The following NWD1 variants were observed in gnomAD, a reference collection of about 807,000 sequenced individuals.
NWD1 encodes NACHT domain- and WD repeat-containing protein 1.
Under a neutral mutation model 135.1 loss-of-function variants are expected in NWD1, and 129 were observed. That is an observed-to-expected ratio of 0.96 (90% CI 0.83 to 1.11). NWD1 has a LOEUF of 1.11. Ranked by LOEUF, NWD1 falls within the 50% of genes least tolerant of loss-of-function variation. NWD1 has a pLI of 0.00. For synonymous variants in NWD1, 773 were observed against 786.0 expected (o/e 0.98, Z 0.28); for missense variants, 1,740 against 1,851.3 (o/e 0.94, Z 1.10).
At chr19:16,743,488 G>A (rs1968170971) in intron 4 of NWD1, among the ~76,000 whole-genome samples, 1 of 151,892 alleles carries the variant, frequency 6.6e-6, no homozygotes, top group Non-Finnish European at 1.5e-5. Flanking sequence ...GATTACAGGC[G>A]TGAGCCACCA....
chr19:16,807,808 A>G lies in NWD1; in HGVS notation c.3959A>G (p.Asn1320Ser), dbSNP rs747931175. The change falls in exon 18 of 19, where the codon AAC becomes AGC. Residue 1320 changes from asparagine to serine, a missense_variant. By Grantham distance (46) the Asn-to-Ser change is conservative. Coordinates refer to ENST00000524140, the MANE Select transcript of NWD1 (RefSeq NM_001007525.5). Reference protein sequence around the residue: ...CEDRLAIAYDNIVLVLDITSG... With the variant: ...CEDRLAIAYDSIVLVLDITSG... ...GACCGCCTGGCCATCGCCTATGACA[A>G]CATCGTCCTGGTGCTGGACATCACC... 10 of 1,614,114 alleles carry G rather than the reference A, an allele frequency of 6.2e-6. No individual in the cohort carries two copies. The highest frequency in any genetic ancestry group is 3.3e-5 in the Admixed American group (2 of 59,998).
At chr19:16,759,128 G>C in intron 6 of NWD1, 97 bp from the exon 7 acceptor site, 3 of 953,676 alleles carry the variant, frequency 3.1e-6, no homozygotes, top group Non-Finnish European at 5.0e-6. Context: ...GCTGGACACC[G>C]CGCGGGTGGC....
At chr19:16,804,142 G>A (rs930036116) in intron 17 of NWD1, among the ~76,000 whole-genome samples, 1 of 152,054 alleles carries the variant, frequency 6.6e-6, no homozygotes, top group South Asian at 2.1e-4. Flanking sequence ...TGGGGCTGGC[G>A]GGGGAAAGGG....
chr19:16,776,941 G>GA (rs112284735), intron 11 of NWD1, among the ~76,000 whole-genome samples: 14 of 96,748 alleles, frequency 1.4e-4, no homozygotes, highest in South Asian at 4.3e-4. Context: ...GACCCTATCT[G>GA]AAAAAAAAAA....
chr19:16,736,850 T>C, intron 4 of NWD1, 100 bp downstream of exon 4: 1 of 752,260 alleles, frequency 1.3e-6, no homozygotes. Context: ...GTACCGTTTC[T>C]GCTTTCGTAC....
rs567511702 is a variant in NWD1 at position 16,815,036 on chromosome 19, C to T, written c.4296C>T (p.Cys1432=). 23 of 1,613,918 alleles carry T rather than the reference C, an allele frequency of 1.4e-5. No homozygotes were observed. The East Asian group carries it at 4.7e-4, about 33-fold the overall frequency. The part of the protein sequence containing the change: ...WKFEMSYTAP[C] The stretch of plus-strand genomic sequence containing the variant: ...TCTCTTCACCCTTACAGGCACCCTG[C>T]TGACAGTCCAGTTTGTCCATGCTGT... The change falls in exon 19 of 19, where the codon TGC becomes TGT. Residue 1432 remains cysteine (C), a synonymous_variant. Coordinates refer to ENST00000524140, the MANE Select transcript of NWD1 (RefSeq NM_001007525.5).
intron 13 of NWD1, among the ~76,000 whole-genome samples, 181 bp from the exon 14 acceptor site, chr19:16,791,169 T>C (rs1970231786): frequency 6.6e-6 from 1 of 152,030 alleles, no homozygotes; most frequent in Non-Finnish European, 1.5e-5. Context: ...AGGAGGTCGA[T>C]GCTGCAGTGA....
At position 16,759,333 on chromosome 19, in the gene NWD1, C is replaced by T. The variant is rs61736006; in HGVS notation, c.1878C>T (p.Phe626=). ...WTPPSKELLR[F]PPLLWVRLRR... is the part of the protein sequence containing the mutation. Reference sequence around the variant, plus strand: ...CGCCCAGCAAGGAGCTGCTGCGCTTCCCGCCCCTGCTGTGGGTGCGGCTTC... The same window carrying T: ...CGCCCAGCAAGGAGCTGCTGCGCTTTCCGCCCCTGCTGTGGGTGCGGCTTC... The change falls in exon 7 of 19, where the codon TTC becomes TTT. Residue 626 remains phenylalanine (F), a synonymous_variant. Coordinates refer to ENST00000524140, the MANE Select transcript of NWD1 (RefSeq NM_001007525.5). The T allele has an allele frequency of 2.8e-3, 4,451 of 1,613,952 alleles. 111 individuals carry two copies. In the African/African-American group the frequency reaches 0.053, roughly 19 times the overall value.
intron 18 of NWD1, among the ~76,000 whole-genome samples, chr19:16,813,971 G>A (rs1970998450): frequency 6.6e-6 from 1 of 151,648 alleles, no homozygotes; most frequent in South Asian, 2.1e-4. Flanking sequence ...GGACAACATA[G>A]CGAGACTCTG....
At chr19:16,791,258 T>C (rs939254850) in intron 13 of NWD1, 92 bp from the exon 14 acceptor site, 31 of 1,108,210 alleles carry the variant, frequency 2.8e-5, no homozygotes, top group Non-Finnish European at 3.7e-5. Context: ...ATGCATAAAG[T>C]ATACAAGAGA....
chr19:16,803,222 G>A (rs1019338778), intron 17 of NWD1, among the ~76,000 whole-genome samples: 1 of 152,058 alleles, frequency 6.6e-6, no homozygotes, highest in Non-Finnish European at 1.5e-5. Flanking sequence ...AGCTGGCCTC[G>A]GCCTTGACCT....
At chr19:16,786,227 C>T (rs141270028) in intron 12 of NWD1, among the ~76,000 whole-genome samples, 177 of 151,830 alleles carry the variant, frequency 1.2e-3, no homozygotes, top group Non-Finnish European at 1.9e-3. Flanking sequence ...CGGCTTGTCT[C>T]GGACTCCTGG....
Position 16,732,716 on chromosome 19 carries a change from C to A in NWD1, c.81+1438C>A, listed in dbSNP as rs137866844. 3.0e-3 allele frequency among the ~76,000 whole-genome samples: 451 copies of A among 148,770 alleles called. 5 individuals carry two copies. Among genetic ancestry groups the A allele is most frequent in the African/African-American group, 0.011 (425 of 39,954 alleles). On this transcript the variant is annotated intron_variant, in intron 3 of 18. Coordinates refer to ENST00000524140, the MANE Select transcript of NWD1 (RefSeq NM_001007525.5). ...GGTGTGATCTCACAGCTCACTGCAA[C>A]CTTGAGCTTCTGGGCTCAAGGGATC... is the stretch of plus-strand genomic sequence containing the variant.
At chr19:16,810,978 A>C (rs1599568891) in intron 18 of NWD1, among the ~76,000 whole-genome samples, 1 of 151,834 alleles carries the variant, frequency 6.6e-6, no homozygotes. Flanking sequence ...TGATTCTTCC[A>C]CCTCAGCCTC....
chr19:16,767,811 C>T (rs1969279972), intron 10 of NWD1, among the ~76,000 whole-genome samples: 1 of 151,900 alleles, frequency 6.6e-6, no homozygotes, highest in South Asian at 2.1e-4. Context: ...CTCCCTTCAC[C>T]CCAGTCCCTG....
chr19:16,769,821 ATC>A (rs1332771926), intron 10 of NWD1, among the ~76,000 whole-genome samples: 3 of 152,004 alleles, frequency 2.0e-5, no homozygotes, highest in African/African-American at 7.2e-5. Context: ...CCTGTTTTCC[ATC>A]TGTCTTGGCT....
At position 16,744,553 on chromosome 19, in the gene NWD1, G is replaced by A; in HGVS notation, c.331G>A (p.Asp111Asn). 6.5e-7 allele frequency: 1 copy of A among 1,535,774 alleles called. No individual in the cohort carries two copies. The highest frequency in any genetic ancestry group is 8.7e-7 in the Non-Finnish European group (1 of 1,146,736). Residue 111 changes from aspartate (D) to asparagine (N), a missense_variant, in exon 5 of 19, where the codon GAC (aspartate) becomes AAC (asparagine). Coordinates refer to ENST00000524140, the MANE Select transcript of NWD1 (RefSeq NM_001007525.5). ...GCTGGTGGCACGATACTTCCAGAGG[G>A]ACGAGAATGCGTTTCCTCCCACCTA... ...LELVARYFQR[D>N]ENAFPPTYVL...
chr19:16,788,237 A>G (rs1970117800), intron 12 of NWD1, among the ~76,000 whole-genome samples: 2 of 52,520 alleles, frequency 3.8e-5, no homozygotes, highest in East Asian at 2.7e-4. Context: ...TCTCAAAATA[A>G]TAATAATAAT....
At chr19:16,731,919 A>G (rs1350035501) in intron 3 of NWD1, among the ~76,000 whole-genome samples, 1 of 152,040 alleles carries the variant, frequency 6.6e-6, no homozygotes, top group South Asian at 2.1e-4. Context: ...CCTTGGGACT[A>G]TAAAAAGGCA....
Sources: gnomAD v4.1 joint callset for allele counts (sites outside exome capture counted in the v4.1 genomes callset) on GRCh38, gnomAD v4.1.1 for gene constraint, MANE v1.5 for transcripts, NCBI Gene and HGNC (gene_info 2026-07-23, HGNC 2026-07-21) for gene names.